The following AKAP6 variants were observed in gnomAD, a reference collection of about 807,000 sequenced individuals.
The protein encoded by AKAP6 is A-kinase anchoring protein 6.
Under a neutral mutation model 188.5 loss-of-function variants are expected in AKAP6, and 58 were observed. The ratio of observed to expected loss-of-function variants is 0.31; its 90% CI spans 0.25 to 0.38. The LOEUF (loss-of-function observed/expected upper bound fraction) is 0.38, where lower values mean the gene tolerates loss of function less well. Among genes scored for constraint, AKAP6 ranks in the 10% least tolerant of loss-of-function variants. AKAP6 has a pLI of 1.00. For synonymous variants in AKAP6, 989 were observed against 998.6 expected (o/e 0.99, Z 0.18); for missense variants, 2,710 against 2,740.0 (o/e 0.99, Z 0.24).
chr14:32,583,511 G>A (rs1885079781), intron 5 of AKAP6, among the ~76,000 whole-genome samples: 1 of 152,232 alleles, frequency 6.6e-6, no homozygotes, highest in Non-Finnish European at 1.5e-5. Flanking sequence ...AAAGGTGTCA[G>A]ACAGGGACAT....
intron 5 of AKAP6, among the ~76,000 whole-genome samples, chr14:32,598,614 C>T (rs1885799723): frequency 6.6e-6 from 1 of 151,952 alleles, no homozygotes; most frequent in Non-Finnish European, 1.5e-5. Flanking sequence ...AATTTGGTAG[C>T]CAAGGATAGA....
At chr14:32,641,144 T>TA (rs1474944014) in intron 7 of AKAP6, among the ~76,000 whole-genome samples, 4 of 152,028 alleles carry the variant, frequency 2.6e-5, no homozygotes, top group African/African-American at 9.7e-5. Flanking sequence ...TTGGGACTGA[T>TA]AAAAACATGC....
chr14:32,394,313 T>A (rs17098967), intron 1 of AKAP6, among the ~76,000 whole-genome samples: 1 of 152,004 alleles, frequency 6.6e-6, no homozygotes, highest in African/African-American at 2.4e-5. Context: ...ATTGCTTGAC[T>A]CAAATGCTTT....
At chr14:32,337,063 A>G (rs1278122606) in intron 1 of AKAP6, among the ~76,000 whole-genome samples, 1 of 152,186 alleles carries the variant, frequency 6.6e-6, no homozygotes. Flanking sequence ...GTGAATTGAA[A>G]GGGAATGACC....
chr14:32,566,196 A>G (rs1217036297), intron 4 of AKAP6, among the ~76,000 whole-genome samples: 1 of 152,204 alleles, frequency 6.6e-6, no homozygotes, highest in Non-Finnish European at 1.5e-5. Context: ...GTGATATTGT[A>G]ATAGATTAAA....
At chr14:32,331,833 T>C (rs1401644007) in intron 1 of AKAP6, among the ~76,000 whole-genome samples, 2 of 152,124 alleles carry the variant, frequency 1.3e-5, no homozygotes, top group African/African-American at 4.8e-5. Context: ...GGACAGAGTT[T>C]AGGCCATGGA....
intron 4 of AKAP6, among the ~76,000 whole-genome samples, chr14:32,559,730 T>G (rs1883864280): frequency 1.3e-5 from 2 of 151,206 alleles, no homozygotes; most frequent in Admixed American, 1.3e-4. Context: ...TTTAAGTTCT[T>G]CAAGCAATTG....
chr14:32,529,400 C>A (rs569497551), intron 2 of AKAP6, among the ~76,000 whole-genome samples: 1 of 152,072 alleles, frequency 6.6e-6, no homozygotes, highest in Non-Finnish European at 1.5e-5. Context: ...TCTACATAGA[C>A]GATCATGTCA....
intron 4 of AKAP6, among the ~76,000 whole-genome samples, chr14:32,547,596 T>C (rs1883257657): frequency 6.6e-6 from 1 of 152,182 alleles, no homozygotes; most frequent in Non-Finnish European, 1.5e-5. Flanking sequence ...ATCTGTACTT[T>C]TGAACAAATT....
chr14:32,808,971 G>A (rs1035703832), intron 12 of AKAP6, among the ~76,000 whole-genome samples: 3 of 152,170 alleles, frequency 2.0e-5, no homozygotes, highest in African/African-American at 7.2e-5. Flanking sequence ...GAAAGGAAAC[G>A]CACATCATAA....
rs976176666 is a variant in AKAP6, at chr14:32,545,264, C to T, written c.611C>T (p.Ser204Leu). The change falls in exon 4 of 14, where the codon TCA (serine) becomes TTA (leucine). Residue 204 changes from serine (S) to leucine (L), a missense_variant. Coordinates refer to ENST00000280979, the MANE Select transcript of AKAP6 (RefSeq NM_004274.5). ...RLDSLTEVDDSGQLTIKCSQN... is the reference protein window; with the variant it reads ...RLDSLTEVDDLGQLTIKCSQN... ...GATTCTCTAACAGAAGTGGATGACTCAGGACAATTAACCATCAAATGTTCT... is the reference window on the plus strand; with the variant it reads ...GATTCTCTAACAGAAGTGGATGACTTAGGACAATTAACCATCAAATGTTCT... The T allele has an allele frequency of 4.3e-6, 7 of 1,613,920 alleles. No homozygotes were observed. Among genetic ancestry groups the T allele is most frequent in the Non-Finnish European group, 5.9e-6 (7 of 1,179,944 alleles).
At position 32,821,590 on chromosome 14, in the gene AKAP6, T is replaced by C. The variant is rs149096294; in HGVS notation, c.3777T>C (p.Pro1259=). 44 of 1,613,734 alleles carry C rather than the reference T, an allele frequency of 2.7e-5. No individual in the cohort carries two copies. In the South Asian group the frequency reaches 4.5e-4, roughly 17 times the overall value. Residue 1259 remains proline, a synonymous_variant, in exon 13 of 14, where the codon CCT becomes CCC. Coordinates refer to ENST00000280979, the MANE Select transcript of AKAP6 (RefSeq NM_004274.5). ...LKLGETSNED[P]GYDEEADNHG... is the part of the protein sequence containing the mutation. The stretch of plus-strand genomic sequence containing the variant: ...TTGGAGAGACAAGTAATGAGGACCC[T>C]GGTTATGACGAGGAGGCTGATAACC...
chr14:32,598,597 T>C (rs935324327), intron 5 of AKAP6, among the ~76,000 whole-genome samples: 12 of 152,208 alleles, frequency 7.9e-5, no homozygotes, highest in Non-Finnish European at 1.8e-4. Flanking sequence ...TTTTTCAAAT[T>C]ACTTATAATT....
intron 12 of AKAP6, among the ~76,000 whole-genome samples, chr14:32,820,805 A>G (rs1407870712): frequency 6.6e-6 from 1 of 152,180 alleles, no homozygotes; most frequent in African/African-American, 2.4e-5. Flanking sequence ...GTCTGAAAAG[A>G]CAGATCCCTG....
intron 5 of AKAP6, among the ~76,000 whole-genome samples, chr14:32,583,693 C>T (rs370632446): frequency 1.3e-5 from 2 of 152,182 alleles, no homozygotes; most frequent in African/African-American, 4.8e-5. Context: ...GTGCCCCTCC[C>T]CCAGCCTCGC....
At chr14:32,666,558 T>C (rs1235113504) in intron 7 of AKAP6, among the ~76,000 whole-genome samples, 3 of 152,096 alleles carry the variant, frequency 2.0e-5, no homozygotes, top group Admixed American at 6.6e-5. Flanking sequence ...ATCTAAATAC[T>C]TTATTTTATT....
intron 12 of AKAP6, among the ~76,000 whole-genome samples, chr14:32,779,946 G>C (rs940058284): frequency 6.6e-5 from 10 of 152,162 alleles, no homozygotes; most frequent in Admixed American, 6.6e-4. Flanking sequence ...TCTGTGGGAA[G>C]CAGTATGGAG....
At position 32,807,192 on chromosome 14, in the gene AKAP6, TA is replaced by T. The variant is rs571839320; in HGVS notation, c.3589-14204del. On this transcript the variant is annotated intron_variant, in intron 12 of 13. Coordinates refer to ENST00000280979, the MANE Select transcript of AKAP6 (RefSeq NM_004274.5). The stretch of plus-strand genomic sequence containing the variant: ...GAGACCCCACCTCTACATACAAACT[TA>T]AAAAATTAGCCAGGCATGGTGGCAC... 6.6e-3 allele frequency among the ~76,000 whole-genome samples: 997 copies of T among 151,358 alleles called. 4 individuals carry two copies. Among genetic ancestry groups the T allele is most frequent in the Non-Finnish European group, 0.01 (706 of 67,834 alleles).
chr14:32,772,739 T>G, intron 11 of AKAP6, among the ~76,000 whole-genome samples: 1 of 152,220 alleles, frequency 6.6e-6, no homozygotes, highest in East Asian at 1.9e-4. Context: ...GAAATTGCAT[T>G]GTCTTGTTTA....
Sources: allele counts gnomAD v4.1 joint callset (sites outside exome capture counted in the v4.1 genomes callset), GRCh38; gene constraint gnomAD v4.1.1; transcripts MANE v1.5; gene names NCBI Gene and HGNC (gene_info 2026-07-23, HGNC 2026-07-21).